PPP3CA: variants seen among roughly 807,000 people sequenced by gnomAD.
The protein encoded by PPP3CA is CAM-PRP catalytic subunit.
PPP3CA carries 14 observed loss-of-function variants against 66.5 expected under a neutral mutation model. That is an observed-to-expected ratio of 0.21 (90% confidence interval 0.14 to 0.33). The LOEUF (loss-of-function observed/expected upper bound fraction) is 0.33. PPP3CA is among the 10% of genes least tolerant of loss of function. The probability of loss-of-function intolerance (pLI) is 1.00; values close to 1 mark genes in which losing one functional copy is unlikely to be tolerated. For synonymous variants in PPP3CA, 232 were observed against 226.2 expected (o/e 1.03, Z -0.23); for missense variants, 317 against 639.5 (o/e 0.50, Z 5.44).
At chr4:101,303,526 A>T (rs1435408782) in intron 1 of PPP3CA, among the ~76,000 whole-genome samples, 1 of 152,198 alleles carries the variant, frequency 6.6e-6, no homozygotes, top group Non-Finnish European at 1.5e-5. Flanking sequence ...ATTTTAATAT[A>T]GCTGCATGAC....
chr4:101,247,758 CT>C (rs1337013877), intron 1 of PPP3CA, among the ~76,000 whole-genome samples: 1 of 152,002 alleles, frequency 6.6e-6, no homozygotes, highest in Non-Finnish European at 1.5e-5. Context: ...TGTCAGAGGG[CT>C]AAAAGAGCAA....
chr4:101,073,370 G>A (rs1047288896), intron 8 of PPP3CA, among the ~76,000 whole-genome samples: 13 of 151,334 alleles, frequency 8.6e-5, no homozygotes, highest in East Asian at 7.8e-4. Flanking sequence ...TCGGCCTCCC[G>A]GGTTCAAGCG....
chr4:101,168,048 G>C (rs915000202), intron 2 of PPP3CA, among the ~76,000 whole-genome samples: 1 of 152,124 alleles, frequency 6.6e-6, no homozygotes, highest in African/African-American at 2.4e-5. Flanking sequence ...ACTGACCACT[G>C]GGTTGAGAAT....
intron 12 of PPP3CA, among the ~76,000 whole-genome samples, chr4:101,029,648 A>T (rs1726848946): frequency 6.6e-6 from 1 of 151,862 alleles, no homozygotes; most frequent in African/African-American, 2.4e-5. Context: ...GTGCCACAAT[A>T]TCAGTGGGAT....
At chr4:101,099,754 TA>T in intron 3 of PPP3CA, 32 bp from the exon 4 acceptor site, 1 of 1,200,334 alleles carries the variant, frequency 8.3e-7, no homozygotes, top group South Asian at 1.9e-5. Flanking sequence ...TAAAAATAAA[TA>T]TTTTTCCTTA....
chr4:101,167,655 G>T (rs1465215331), intron 2 of PPP3CA, among the ~76,000 whole-genome samples: 1 of 152,180 alleles, frequency 6.6e-6, no homozygotes, highest in Non-Finnish European at 1.5e-5. Context: ...CACCTGGGAA[G>T]TGGTGAGGGT....
intron 2 of PPP3CA, among the ~76,000 whole-genome samples, chr4:101,181,057 T>TAATAA (rs141519481): frequency 0.011 from 1,606 of 152,024 alleles, 29 homozygotes; most frequent in African/African-American, 0.031. Context: ...TCTCTAAAAA[T>TAATAA]AATAAAATAA....
At chr4:101,275,755 C>T (rs28478920) in intron 1 of PPP3CA, among the ~76,000 whole-genome samples, 84,551 of 151,820 alleles carry the variant, frequency 0.56, 27,383 homozygotes, top group Non-Finnish European at 0.74. Context: ...GCTTTTCAAT[C>T]TTCTTGGCTG....
chr4:101,187,153 G>T (rs750862442), intron 2 of PPP3CA, among the ~76,000 whole-genome samples: 7 of 152,152 alleles, frequency 4.6e-5, no homozygotes, highest in Non-Finnish European at 1.0e-4. Context: ...AGAAAATAAA[G>T]TTACTGCTGC....
At chr4:101,177,093 G>T (rs182153770) in intron 2 of PPP3CA, among the ~76,000 whole-genome samples, 3 of 152,230 alleles carry the variant, frequency 2.0e-5, no homozygotes, top group South Asian at 2.1e-4. Flanking sequence ...GTTAACGACA[G>T]AAATCATTCT....
intron 2 of PPP3CA, among the ~76,000 whole-genome samples, chr4:101,132,118 A>G (rs1722462963): frequency 6.6e-6 from 1 of 152,230 alleles, no homozygotes; most frequent in Non-Finnish European, 1.5e-5. Flanking sequence ...ACAGACGGAA[A>G]TTTATAGCAC....
chr4:101,345,407 C>CTTGA (rs1260581080), intron 1 of PPP3CA, among the ~76,000 whole-genome samples: 1 of 152,176 alleles, frequency 6.6e-6, no homozygotes, highest in Non-Finnish European at 1.5e-5. Context: ...GTGCAAACGA[C>CTTGA]TTGATTGCCT....
chr4:101,319,839 A>G (rs1728986483), intron 1 of PPP3CA, among the ~76,000 whole-genome samples: 1 of 152,212 alleles, frequency 6.6e-6, no homozygotes, highest in Non-Finnish European at 1.5e-5. Flanking sequence ...AAGAAGACCC[A>G]GCAAAAACTC....
intron 2 of PPP3CA, among the ~76,000 whole-genome samples, chr4:101,186,419 A>G (rs571365390): frequency 4.6e-5 from 7 of 152,170 alleles, no homozygotes; most frequent in Non-Finnish European, 1.0e-4. Flanking sequence ...TTACCCAAAC[A>G]TGAAATGAAA....
chr4:101,080,673 A>AT (rs1412746126), intron 7 of PPP3CA, 47 bp from the exon 8 acceptor site: 3 of 1,155,640 alleles, frequency 2.6e-6, no homozygotes, highest in Non-Finnish European at 3.6e-6. Context: ...TGGAAAAAAG[A>AT]TAATATCAAA....
At chr4:101,091,713 A>G (rs1407100427) in intron 6 of PPP3CA, among the ~76,000 whole-genome samples, 1 of 151,772 alleles carries the variant, frequency 6.6e-6, no homozygotes, top group Non-Finnish European at 1.5e-5. Context: ...CAGAAGATAC[A>G]CAGCTGGATG....
intron 2 of PPP3CA, among the ~76,000 whole-genome samples, chr4:101,189,766 A>C (rs186414799): frequency 4.0e-5 from 6 of 150,856 alleles, no homozygotes; most frequent in East Asian, 2.0e-4. Flanking sequence ...TTTATCCCCC[A>C]AAAAACTATA....
intron 1 of PPP3CA, among the ~76,000 whole-genome samples, chr4:101,242,355 C>G (rs1726338604): frequency 6.6e-6 from 1 of 151,826 alleles, no homozygotes; most frequent in South Asian, 2.1e-4. Flanking sequence ...GTGAGATGAC[C>G]TGAAAACTAC....
intron 1 of PPP3CA, among the ~76,000 whole-genome samples, chr4:101,242,929 G>A (rs964722430): frequency 6.6e-6 from 1 of 152,024 alleles, no homozygotes; most frequent in African/African-American, 2.4e-5. Flanking sequence ...CTCATTCCTT[G>A]AACAAGAGCT....
Sources: gnomAD v4.1 joint callset for allele counts (sites outside exome capture counted in the v4.1 genomes callset) on GRCh38, gnomAD v4.1.1 for gene constraint, MANE v1.5 for transcripts, NCBI Gene and HGNC (gene_info 2026-07-23, HGNC 2026-07-21) for gene names.